Variants in SAMSN1 observed in about 807,000 individuals in gnomAD.
SAMSN1 encodes the protein SAM domain-containing protein SAMSN-1.
SAMSN1 carries 31 observed loss-of-function variants against 42.0 expected under a neutral mutation model. The ratio of observed to expected loss-of-function variants is 0.74; its 90% CI spans 0.55 to 1.00. The LOEUF (loss-of-function observed/expected upper bound fraction) is 1.00, where lower values mean the gene tolerates loss of function less well. Among genes scored for constraint, SAMSN1 ranks in the 50% least tolerant of loss-of-function variants. The pLI is 0.00. For synonymous variants in SAMSN1, 178 were observed against 151.9 expected (o/e 1.17, Z -1.26); for missense variants, 464 against 439.4 (o/e 1.06, Z -0.50).
chr21:14,583,103 A>G (rs1981804513), intron 1 of SAMSN1, among the ~76,000 whole-genome samples: 1 of 152,220 alleles, frequency 6.6e-6, no homozygotes, highest in East Asian at 1.9e-4. Context: ...TGAGATCTAT[A>G]TTTACACAAT....
At chr21:14,525,953 C>T (rs938083928) in intron 1 of SAMSN1, among the ~76,000 whole-genome samples, 16 of 152,090 alleles carry the variant, frequency 1.1e-4, no homozygotes, top group African/African-American at 3.6e-4. Context: ...CAAACTTCAC[C>T]TCCTGGATTG....
intron 2 of SAMSN1, among the ~76,000 whole-genome samples, chr21:14,559,137 C>T (rs1189800701): frequency 6.6e-6 from 1 of 152,170 alleles, no homozygotes; most frequent in Non-Finnish European, 1.5e-5. Flanking sequence ...AGAAAAGTAA[C>T]ACTTCTCCTT....
At chr21:14,597,713 T>C (rs1227884166) in intron 6 of SAMSN1, among the ~76,000 whole-genome samples, 2 of 151,796 alleles carry the variant, frequency 1.3e-5, no homozygotes, top group African/African-American at 2.4e-5. Flanking sequence ...AGACATAGGG[T>C]TTCCAACCCG....
chr21:14,487,718 A>G (rs998250293), intron 7 of SAMSN1, among the ~76,000 whole-genome samples: 5 of 152,188 alleles, frequency 3.3e-5, no homozygotes, highest in African/African-American at 1.2e-4. Flanking sequence ...TGTATTTGCA[A>G]CAGTGAAACC....
At chr21:14,515,943 T>C (rs1041678185) in intron 3 of SAMSN1, among the ~76,000 whole-genome samples, 3 of 152,122 alleles carry the variant, frequency 2.0e-5, no homozygotes, top group Non-Finnish European at 4.4e-5. Flanking sequence ...CAAATGTAAA[T>C]CAAAATCACA....
intron 2 of SAMSN1, among the ~76,000 whole-genome samples, chr21:14,581,737 T>C (rs993672159): frequency 1.3e-5 from 2 of 152,226 alleles, no homozygotes; most frequent in African/African-American, 4.8e-5. Context: ...TTAAATGAGA[T>C]AATACATATA....
chr21:14,616,039 T>C (rs1313429834), intron 2 of SAMSN1: 3 of 577,000 alleles, frequency 5.2e-6, no homozygotes, highest in Non-Finnish European at 9.5e-6. Context: ...ATAAAATGAA[T>C]AAAATAAAAT....
intron 2 of SAMSN1, among the ~76,000 whole-genome samples, chr21:14,577,707 C>T (rs1474050822): frequency 6.6e-6 from 1 of 152,092 alleles, no homozygotes; most frequent in African/African-American, 2.4e-5. Context: ...TATTTTTGGT[C>T]ACCTCGACTA....
chr21:14,583,750 C>T (rs1324785528), upstream of SAMSN1: 1 of 717,726 alleles, frequency 1.4e-6, no homozygotes, highest in Non-Finnish European at 2.6e-6. Flanking sequence ...CCATTGATTC[C>T]ACAGGGTCAC....
chr21:14,517,159 G>T, intron 2 of SAMSN1, 118 bp from the exon 3 acceptor site: 2 of 888,982 alleles, frequency 2.2e-6, no homozygotes, highest in Non-Finnish European at 3.3e-6. Context: ...CTGTGCAGCA[G>T]CCTCCAAAAT....
chr21:14,543,868 A>G (rs1250369537), intron 1 of SAMSN1, among the ~76,000 whole-genome samples: 2 of 152,180 alleles, frequency 1.3e-5, no homozygotes, highest in Admixed American at 6.5e-5. Context: ...GTAAACTAAT[A>G]TCTGGTATGT....
intron 7 of SAMSN1, among the ~76,000 whole-genome samples, chr21:14,489,735 C>T (rs1405347089): frequency 6.6e-6 from 1 of 151,954 alleles, no homozygotes; most frequent in African/African-American, 2.4e-5. Flanking sequence ...AGCTAATTTG[C>T]ATATTAAAAT....
At chr21:14,544,799 T>C (rs1021046359) in intron 1 of SAMSN1, among the ~76,000 whole-genome samples, 1 of 152,180 alleles carries the variant, frequency 6.6e-6, no homozygotes, top group African/African-American at 2.4e-5. Flanking sequence ...AATATGACTC[T>C]AACTCACTAT....
chr21:14,551,464 G>A (rs1352233913), intron 2 of SAMSN1, among the ~76,000 whole-genome samples: 1 of 152,020 alleles, frequency 6.6e-6, no homozygotes, highest in Non-Finnish European at 1.5e-5. Flanking sequence ...AGTTCAAAGT[G>A]ACTGGAAAAA....
At chr21:14,577,285 T>TATATATA (rs1491266473) in intron 2 of SAMSN1, among the ~76,000 whole-genome samples, 21 of 36,822 alleles carry the variant, frequency 5.7e-4, no homozygotes, top group Non-Finnish European at 8.6e-4. Context: ...TATATATATA[T>TATATATA]TTTTTTTTTA....
rs373352670 is a variant in SAMSN1 at position 14,571,994 on chromosome 21, A to G, written c.261+10142T>C. On this transcript the variant is annotated intron_variant, in intron 2 of 8. Coordinates refer to the SAMSN1 transcript ENST00000285670. ...GAAACCAGTAATGTAAATTCAGTGC[A>G]ACATTTTCTCGTGTAATACAGAATT... Among the ~76,000 whole-genome samples, 58 of 144,234 alleles carry G rather than the reference A, an allele frequency of 4.0e-4. 2 individuals carry two copies. The highest frequency in any genetic ancestry group is 1.5e-3 in the African/African-American group (54 of 35,474). 94.6% of individuals were successfully genotyped at this position (144,234 alleles called of 152,430 possible). A position where few individuals can be genotyped will look rare whatever the true frequency, so the allele number is the denominator to read the frequency against.
chr21:14,595,663 C>T (rs898389482), intron 6 of SAMSN1, among the ~76,000 whole-genome samples: 1 of 152,118 alleles, frequency 6.6e-6, no homozygotes, highest in Non-Finnish European at 1.5e-5. Flanking sequence ...AATTGAAGCA[C>T]AGAGAGTTTA....
At chr21:14,508,290 A>T (rs1987512576) in intron 5 of SAMSN1, among the ~76,000 whole-genome samples, 1 of 152,170 alleles carries the variant, frequency 6.6e-6, no homozygotes, top group Non-Finnish European at 1.5e-5. Context: ...GTGGGAAAAA[A>T]TTTTCACAAT....
intron 4 of SAMSN1, among the ~76,000 whole-genome samples, chr21:14,512,208 C>T (rs1987715034): frequency 6.6e-6 from 1 of 152,006 alleles, no homozygotes; most frequent in Admixed American, 6.6e-5. Flanking sequence ...TGAGGAGTAT[C>T]CCGAGGAGCC....
Sources: allele counts gnomAD v4.1 joint callset (sites outside exome capture counted in the v4.1 genomes callset), GRCh38; gene constraint gnomAD v4.1.1; transcripts MANE v1.5; gene names NCBI Gene and HGNC (gene_info 2026-07-23, HGNC 2026-07-21).